Variants in PPP3CA observed in about 807,000 individuals in gnomAD.
PPP3CA encodes CAM-PRP catalytic subunit.
In PPP3CA, 14 loss-of-function variants were observed where a neutral mutation model predicts 66.5. That is an observed-to-expected ratio of 0.21 (90% CI 0.14 to 0.33). The LOEUF is 0.33. Among genes scored for constraint, PPP3CA ranks in the 10% least tolerant of loss-of-function variants. The pLI is 1.00. For synonymous variants in PPP3CA, 232 were observed against 226.2 expected (o/e 1.03, Z -0.23); for missense variants, 317 against 639.5 (o/e 0.50, Z 5.44).
chr4:101,135,349 C>T (rs1165124057), intron 2 of PPP3CA, among the ~76,000 whole-genome samples: 2 of 152,064 alleles, frequency 1.3e-5, no homozygotes, highest in Non-Finnish European at 2.9e-5. Context: ...TGTGCCATGT[C>T]TGCCATGTCT....
chr4:101,129,657 G>C (rs2732517), intron 2 of PPP3CA, among the ~76,000 whole-genome samples: 50,586 of 152,040 alleles, frequency 0.33, 10,389 homozygotes, highest in African/African-American at 0.59. Context: ...AGAGGGGCCT[G>C]ACTGTTAGAA....
chr4:101,297,164 A>C (rs1728224153), intron 1 of PPP3CA, among the ~76,000 whole-genome samples: 1 of 152,190 alleles, frequency 6.6e-6, no homozygotes, highest in Admixed American at 6.5e-5. Flanking sequence ...CTTTTTAATG[A>C]ATTTTGATTG....
At chr4:101,086,531 C>A (rs982967942) in intron 6 of PPP3CA, among the ~76,000 whole-genome samples, 1 of 151,946 alleles carries the variant, frequency 6.6e-6, no homozygotes, top group African/African-American at 2.4e-5. Flanking sequence ...AGCTAGTGGG[C>A]ATTATTAAAA....
At chr4:101,124,026 C>T (rs1047759226) in intron 2 of PPP3CA, among the ~76,000 whole-genome samples, 1 of 152,192 alleles carries the variant, frequency 6.6e-6, no homozygotes, top group Non-Finnish European at 1.5e-5. Flanking sequence ...TTCTTTAGCA[C>T]CACTTGATTA....
intron 1 of PPP3CA, among the ~76,000 whole-genome samples, chr4:101,293,332 C>T (rs1007215492): frequency 2.0e-5 from 3 of 152,156 alleles, no homozygotes; most frequent in Non-Finnish European, 4.4e-5. Flanking sequence ...TTTGGGCAGC[C>T]ACTGACTGCC....
At chr4:101,113,566 G>A (rs528519747) in intron 2 of PPP3CA, among the ~76,000 whole-genome samples, 2 of 152,008 alleles carry the variant, frequency 1.3e-5, no homozygotes, top group Non-Finnish European at 2.9e-5. Flanking sequence ...CATGTCTTTG[G>A]GTATTTCATT....
chr4:101,315,959 G>A (rs1490302286), intron 1 of PPP3CA, among the ~76,000 whole-genome samples: 3 of 152,172 alleles, frequency 2.0e-5, no homozygotes, highest in African/African-American at 4.8e-5. Context: ...TGCTTGCCTA[G>A]TATGAATCTT....
At chr4:101,242,602 G>C (rs1050168818) in intron 1 of PPP3CA, among the ~76,000 whole-genome samples, 20 of 151,980 alleles carry the variant, frequency 1.3e-4, no homozygotes, top group Non-Finnish European at 7.4e-5. Flanking sequence ...GGACTTCCAG[G>C]GTGTCTTATA....
intron 1 of PPP3CA, among the ~76,000 whole-genome samples, chr4:101,248,971 T>C (rs1028634728): frequency 5.3e-5 from 8 of 150,908 alleles, no homozygotes; most frequent in African/African-American, 2.0e-4. Flanking sequence ...CCATCCTGGC[T>C]AACAAGGTGA....
intron 1 of PPP3CA, among the ~76,000 whole-genome samples, chr4:101,326,691 T>C (rs1230475298): frequency 2.0e-5 from 3 of 152,226 alleles, no homozygotes; most frequent in African/African-American, 4.8e-5. Flanking sequence ...GTTTCTTGCA[T>C]GACAACACAA....
Position 101,032,295 on chromosome 4 carries a change from A to G in PPP3CA, c.1311T>C (p.Leu437=), listed in dbSNP as rs756878750. The change falls in exon 12 of 14, where the codon CTT becomes CTC. Residue 437 remains leucine, a synonymous_variant. Transcript: ENST00000394854. ...TPTGMLPSGV[L]SGGKQTLQSA... is the part of the protein sequence containing the mutation. Reference sequence around the variant, plus strand: ...TTTGCAGGGTTTGCTTCCCTCCAGAAAGTACTCCGCTGGGGAGCATGCCAG... The same window carrying G: ...TTTGCAGGGTTTGCTTCCCTCCAGAGAGTACTCCGCTGGGGAGCATGCCAG... 3 of 1,608,344 alleles carry G rather than the reference A, an allele frequency of 1.9e-6. No individual in the cohort carries two copies. In the East Asian group the frequency reaches 6.7e-5, roughly 36 times the overall value.
intron 2 of PPP3CA, among the ~76,000 whole-genome samples, chr4:101,128,725 C>T (rs929235491): frequency 6.6e-6 from 1 of 152,120 alleles, no homozygotes; most frequent in East Asian, 1.9e-4. Context: ...CCAGATACTA[C>T]GCTTTCCCCA....
chr4:101,127,173 C>T (rs28517387), intron 2 of PPP3CA, among the ~76,000 whole-genome samples: 10,600 of 151,876 alleles, frequency 0.07, 944 homozygotes, highest in East Asian at 0.3. Context: ...TTTGTTAGAT[C>T]TTCCACCTCA....
At position 101,080,530 on chromosome 4, in the gene PPP3CA, A is replaced by G. The variant is rs754204632; in HGVS notation, c.955+2T>C. The G allele has an allele frequency of 2.1e-6, 3 of 1,422,002 alleles. No individual in the cohort carries two copies. In the Admixed American group the frequency reaches 5.7e-5, roughly 27 times the overall value. 88.1% of individuals were successfully genotyped at this position (1,422,002 alleles called of 1,614,324 possible). On this transcript the variant is annotated splice_donor_variant, in intron 8 of 13. Coordinates refer to ENST00000394854, the MANE Select transcript of PPP3CA (RefSeq NM_000944.5). LOFTEE classifies it high-confidence loss of function. ...CTGCAAGAGGTATTTAAAAACACTT[A>G]CCTTTGTTATTGTATACATCTAAGT...
intron 2 of PPP3CA, 28 bp downstream of exon 2, chr4:101,195,888 G>C: frequency 1.2e-6 from 2 of 1,601,154 alleles, no homozygotes; most frequent in Admixed American, 1.7e-5. Context: ...GTGTATACAA[G>C]TGGGCAACCT....
At chr4:101,332,656 T>C (rs1431244127) in intron 1 of PPP3CA, among the ~76,000 whole-genome samples, 1 of 152,214 alleles carries the variant, frequency 6.6e-6, no homozygotes. Flanking sequence ...ACCTAACATA[T>C]ATTGGGAACA....
intron 13 of PPP3CA, 34 bp downstream of exon 13, chr4:101,029,132 G>A (rs751765637): frequency 8.4e-6 from 13 of 1,553,882 alleles, no homozygotes; most frequent in Non-Finnish European, 1.2e-5. Context: ...CTTATCTGTT[G>A]CAGGTACAAC....
rs114865445 is a variant in PPP3CA, at chr4:101,310,086, G to A, written c.58+36653C>T. On this transcript the variant is annotated intron_variant, in intron 1 of 13. Transcript: ENST00000394854. The stretch of plus-strand genomic sequence containing the variant: ...TATACCAGTTGTACTCTCTTCAGCT[G>A]TAGTACTACTGATTGTTGTGTTTGT... Among the ~76,000 whole-genome samples the A allele has an allele frequency of 3.0e-3, 452 of 152,286 alleles. 4 individuals carry two copies. Among genetic ancestry groups the A allele is most frequent in the African/African-American group, 0.01 (429 of 41,566 alleles).
At chr4:101,136,713 G>A (rs1722634697) in intron 2 of PPP3CA, among the ~76,000 whole-genome samples, 1 of 151,802 alleles carries the variant, frequency 6.6e-6, no homozygotes. Context: ...TATTTCTCAA[G>A]TCCTTCCTAC....
Sources: allele counts gnomAD v4.1 joint callset (sites outside exome capture counted in the v4.1 genomes callset), GRCh38; gene constraint gnomAD v4.1.1; transcripts MANE v1.5; gene names NCBI Gene and HGNC (gene_info 2026-07-23, HGNC 2026-07-21).